The following LY75 variants were observed in gnomAD, a reference collection of about 807,000 sequenced individuals.
LY75 encodes the protein lymphocyte antigen 75, also known as C-type lectin domain family 13 member B.
A neutral mutation model predicts 231.7 loss-of-function variants in LY75; 185 were observed. The observed-to-expected ratio is 0.80, with a 90% CI of 0.71 to 0.90. LY75 has a LOEUF of 0.90. LY75 is among the 40% of genes least tolerant of loss of function. The pLI is 0.00. For missense variants in LY75, 1,947 were observed against 2,050.2 expected, an observed-to-expected ratio of 0.95 and a Z score of 0.97; for synonymous variants, 668 against 689.0, an observed-to-expected ratio of 0.97 and a Z score of 0.48.
chr2:159,876,862 A>G (rs1429116721), intron 11 of LY75, among the ~76,000 whole-genome samples: 2 of 151,826 alleles, frequency 1.3e-5, no homozygotes, highest in Non-Finnish European at 2.9e-5. Flanking sequence ...AAAAAAAATT[A>G]GCTGGGCATG....
intron 24 of LY75, 64 bp from the exon 25 acceptor site, chr2:159,841,019 AT>A: frequency 1.9e-6 from 3 of 1,578,996 alleles, no homozygotes; most frequent in Non-Finnish European, 8.6e-7. Flanking sequence ...GTTATGGGAC[AT>A]TTTTTTCACA....
chr2:159,825,486 AG>A (rs1192712812), intron 28 of LY75, among the ~76,000 whole-genome samples: 3 of 152,248 alleles, frequency 2.0e-5, no homozygotes, highest in African/African-American at 7.2e-5. Flanking sequence ...AACCGAAAAA[AG>A]TCCAGGACCA....
chr2:159,898,962 G>A lies in LY75; in HGVS notation c.192C>T (p.Asp64=). 1 of 1,614,160 alleles carries A rather than the reference G, an allele frequency of 6.2e-7. No individual in the cohort carries two copies. The highest frequency in any genetic ancestry group is 8.5e-7 in the Non-Finnish European group (1 of 1,180,030). ...GCTGGGACACCCACTTCCATAACTT[G>A]TCCTCAGTTTCATCACAGTCGTCTG... ...IVADDCDETE[D]KLWKWVSQHR... Residue 64 remains aspartate, a synonymous_variant, in exon 2 of 35, where the codon GAC becomes GAT. Transcript: ENST00000263636.
intron 28 of LY75, among the ~76,000 whole-genome samples, chr2:159,825,208 T>A (rs1347596846): frequency 6.6e-6 from 1 of 152,034 alleles, no homozygotes; most frequent in Non-Finnish European, 1.5e-5. Context: ...GATAGACCAC[T>A]AGCCAGACTA....
intron 28 of LY75, among the ~76,000 whole-genome samples, chr2:159,829,947 G>C (rs902157099): frequency 6.6e-6 from 1 of 152,152 alleles, no homozygotes; most frequent in African/African-American, 2.4e-5. Context: ...TCTGTCCTGG[G>C]TGTGGTCTCT....
intron 28 of LY75, 40 bp downstream of exon 28, chr2:159,831,630 A>T (rs1683663321): frequency 4.4e-6 from 7 of 1,599,726 alleles, no homozygotes; most frequent in African/African-American, 1.3e-5. Context: ...ATAATGAAGT[A>T]CAAAAACAAA....
intron 18 of LY75, 33 bp from the exon 19 acceptor site, chr2:159,853,730 G>A (rs368072637): frequency 6.2e-7 from 1 of 1,612,178 alleles, no homozygotes; most frequent in African/African-American, 1.3e-5. Context: ...ATCCTTATAT[G>A]TGCTGAGCTT....
In LY75 at chr2:159,819,894, T is replaced by A. The variant is rs1169594604; in HGVS notation, c.3985A>T (p.Thr1329Ser). 1 of 1,607,936 alleles carries A rather than the reference T, an allele frequency of 6.2e-7. No individual in the cohort carries two copies. The highest frequency in any genetic ancestry group is 1.3e-5 in the African/African-American group (1 of 74,384). The change falls in exon 29 of 35, where the codon ACC becomes TCC. Residue 1329 changes from threonine to serine, a missense_variant. By Grantham distance (58) the Thr-to-Ser change is moderately conservative. Transcript: ENST00000263636. ...CTCCAATGTGTATATGACAGTGGGG[T>A]CTTATCAAACCACATAAGAGACTTA... The part of the protein sequence containing the change: ...RNKSLMWFDK[T>S]PLSYTHWRAG...
At chr2:159,861,525 A>G (rs1392029021) in intron 14 of LY75, among the ~76,000 whole-genome samples, 1 of 152,214 alleles carries the variant, frequency 6.6e-6, no homozygotes, top group Non-Finnish European at 1.5e-5. Context: ...AGGTTGGCAG[A>G]TGGCTTGAGC....
At chr2:159,811,852 G>T (rs763771720) in intron 31 of LY75, among the ~76,000 whole-genome samples, 2 of 152,134 alleles carry the variant, frequency 1.3e-5, no homozygotes, top group Non-Finnish European at 2.9e-5. Context: ...TCAGCAGTTG[G>T]ACTCCTGGGT....
intron 30 of LY75, 151 bp downstream of exon 30, chr2:159,816,655 G>T: frequency 8.3e-7 from 1 of 1,206,676 alleles, no homozygotes; most frequent in Non-Finnish European, 1.1e-6. Context: ...TATTTGTTCT[G>T]TGTTGTAAAA....
Position 159,828,982 on chromosome 2 carries a change from C to G in LY75, c.3958+2688G>C, listed in dbSNP as rs1216774404. ...CAATCTGTAGAGACAGAAAGTAGAT[C>G]AGTGGTTGCTGAGGACTAGGAGACA... On this transcript the variant is annotated intron_variant, in intron 28 of 34. Coordinates refer to ENST00000263636, the MANE Select transcript of LY75 (RefSeq NM_002349.4). 2.6e-5 allele frequency among the ~76,000 whole-genome samples: 4 copies of G among 152,182 alleles called. 1 individual carries two copies. Among genetic ancestry groups the G allele is most frequent in the South Asian group, 4.1e-4 (2 of 4,822 alleles).
At chr2:159,848,312 C>A (rs1224082394) in intron 23 of LY75, among the ~76,000 whole-genome samples, 1 of 151,784 alleles carries the variant, frequency 6.6e-6, no homozygotes, top group East Asian at 1.9e-4. Flanking sequence ...TAATGGAAAA[C>A]CAAACATCGT....
At chr2:159,879,391 T>C in intron 8 of LY75, 22 bp from the exon 9 acceptor site, 1 of 1,611,596 alleles carries the variant, frequency 6.2e-7, no homozygotes, top group Non-Finnish European at 8.5e-7. Flanking sequence ...GACAAAAACA[T>C]TTGCTTGGAA....
intron 29 of LY75, among the ~76,000 whole-genome samples, chr2:159,818,196 TG>T (rs1393535864): frequency 2.6e-5 from 4 of 152,182 alleles, no homozygotes; most frequent in Non-Finnish European, 5.9e-5. Flanking sequence ...CTATTAAGTG[TG>T]GACTCAACAT....
intron 1 of LY75, among the ~76,000 whole-genome samples, chr2:159,901,536 C>T (rs1473447700): frequency 2.0e-5 from 3 of 152,208 alleles, no homozygotes; most frequent in African/African-American, 7.2e-5. Flanking sequence ...CTTTGCCTTC[C>T]TTTGCAGTTT....
rs755380867 is a variant in LY75 at position 159,805,130 on chromosome 2, G to A, written c.5083C>T (p.Arg1695Cys). ...GLIWFLFQRH[R>C]LHLAGFSSVR... ...GATGAGAAACCCGCCAGGTGCAAAC[G>A]GTGCCTTTGGAAGAGGAACCAAATC... The change falls in exon 35 of 35, where the codon CGT (arginine) becomes TGT (cysteine). Residue 1695 changes from arginine (R) to cysteine (C), a missense_variant. Arg to Cys is a radical substitution (Grantham distance 180). Coordinates refer to ENST00000263636, the MANE Select transcript of LY75 (RefSeq NM_002349.4). The A allele has an allele frequency of 4.3e-6, 7 of 1,613,894 alleles. No individual in the cohort carries two copies. The highest frequency in any genetic ancestry group is 4.5e-5 in the East Asian group (2 of 44,888).
chr2:159,901,648 TA>T (rs1255451275), intron 1 of LY75, among the ~76,000 whole-genome samples: 1 of 152,224 alleles, frequency 6.6e-6, no homozygotes, highest in Non-Finnish European at 1.5e-5. Context: ...ATTGAAACAC[TA>T]AAACACTACA....
In LY75 at chr2:159,860,975, C is replaced by T. The variant is rs970382072; in HGVS notation, c.2200-86G>A. On this transcript the variant is annotated intron_variant, in intron 14 of 34. Transcript: ENST00000263636. Reference sequence around the variant, plus strand: ...TGTAATTTAGGCAGCCTTAATCACTCAAGTGCGTTGATATGCCACAGAAAG... The same window carrying T: ...TGTAATTTAGGCAGCCTTAATCACTTAAGTGCGTTGATATGCCACAGAAAG... 2.7e-6 allele frequency: 4 copies of T among 1,458,078 alleles called. No homozygotes were observed. In the African/African-American group the frequency reaches 4.2e-5, roughly 15 times the overall value. The allele number at this position is 1,458,078 out of a possible 1,614,324, so 90.3% of individuals were successfully genotyped here. A position where few individuals can be genotyped will look rare whatever the true frequency, so the allele number is the denominator to read the frequency against.
Sources: gnomAD v4.1 joint callset for allele counts (sites outside exome capture counted in the v4.1 genomes callset) on GRCh38, gnomAD v4.1.1 for gene constraint, MANE v1.5 for transcripts, NCBI Gene and HGNC (gene_info 2026-07-23, HGNC 2026-07-21) for gene names.